PTPN9: variants seen among roughly 807,000 people sequenced by gnomAD.
The protein encoded by PTPN9 is protein tyrosine phosphatase non-receptor type 9.
A neutral mutation model predicts 69.8 loss-of-function variants in PTPN9; 26 were observed. The observed-to-expected ratio is 0.37, with a 90% CI of 0.27 to 0.52. PTPN9 has a LOEUF of 0.52. PTPN9 is among the 20% of genes least tolerant of loss of function. PTPN9 has a pLI of 0.91. For missense variants in PTPN9, 549 were observed against 740.3 expected, an observed-to-expected ratio of 0.74 and a Z score of 3.00; for synonymous variants, 274 against 272.5, an observed-to-expected ratio of 1.01 and a Z score of -0.05.
At chr15:75,490,527 A>G (rs1236396750) in intron 7 of PTPN9, among the ~76,000 whole-genome samples, 1 of 152,208 alleles carries the variant, frequency 6.6e-6, no homozygotes, top group Non-Finnish European at 1.5e-5. Flanking sequence ...GAGGGAGACC[A>G]GGCATGGTGG....
intron 1 of PTPN9, among the ~76,000 whole-genome samples, chr15:75,554,025 AT>A (rs896949006): frequency 8.4e-5 from 5 of 59,760 alleles, no homozygotes; most frequent in African/African-American, 2.6e-4. Context: ...TTTTTTTTTG[AT>A]TTTTTTTAAG....
intron 1 of PTPN9, among the ~76,000 whole-genome samples, chr15:75,560,275 T>A (rs1431343135): frequency 6.6e-6 from 1 of 152,220 alleles, no homozygotes; most frequent in African/African-American, 2.4e-5. Context: ...GAAATTAATC[T>A]AGAAAGGTTA....
chr15:75,511,434 A>G (rs539035492), intron 5 of PTPN9, among the ~76,000 whole-genome samples: 1 of 151,864 alleles, frequency 6.6e-6, no homozygotes, highest in South Asian at 2.1e-4. Flanking sequence ...TAAAAATACA[A>G]ATGGTTTCAT....
intron 1 of PTPN9, among the ~76,000 whole-genome samples, chr15:75,530,874 T>C (rs1483607588): frequency 8.8e-6 from 1 of 114,096 alleles, no homozygotes; most frequent in Admixed American, 1.4e-4. Context: ...TATATTACGA[T>C]ATATTATATA....
At chr15:75,474,678 T>A (rs1228978644) in intron 9 of PTPN9, among the ~76,000 whole-genome samples, 1 of 152,242 alleles carries the variant, frequency 6.6e-6, no homozygotes, top group African/African-American at 2.4e-5. Flanking sequence ...AGAGATTTTT[T>A]ACCTTTGAAA....
At chr15:75,560,293 A>G (rs2075098905) in intron 1 of PTPN9, among the ~76,000 whole-genome samples, 1 of 152,190 alleles carries the variant, frequency 6.6e-6, no homozygotes, top group African/African-American at 2.4e-5. Context: ...TTATTTTTGA[A>G]AACAAAAGTA....
rs75296706 is a variant in PTPN9 at position 75,521,289 on chromosome 15, CAA to C, written c.422+1830_422+1831del. Among the ~76,000 whole-genome samples the C allele has an allele frequency of 4.3e-3, 393 of 91,338 alleles. 6 individuals carry two copies. In the East Asian group the frequency reaches 0.066, roughly 15 times the overall value. The allele number at this position is 91,338 out of a possible 152,430, so 59.9% of individuals were successfully genotyped here. On this transcript the variant is annotated intron_variant, in intron 4 of 12. Transcript: ENST00000618819. ...TGAAACCCCATCTCTACTAAAAATACAAAAAAAAAAAAAAAAAACGGGCGTGG... is the reference window on the plus strand; with the variant it reads ...TGAAACCCCATCTCTACTAAAAATACAAAAAAAAAAAAAAAACGGGCGTGG...
intron 7 of PTPN9, among the ~76,000 whole-genome samples, chr15:75,496,949 A>C (rs2074746127): frequency 6.6e-6 from 1 of 152,128 alleles, no homozygotes. Context: ...CTTCTTTAGA[A>C]CTGTTTGGTT....
intron 1 of PTPN9, among the ~76,000 whole-genome samples, chr15:75,569,883 G>A (rs969508524): frequency 5.3e-5 from 8 of 151,640 alleles, no homozygotes; most frequent in African/African-American, 1.5e-4. Flanking sequence ...GGGCAGTGGC[G>A]CGATCTCAGC....
intron 1 of PTPN9, among the ~76,000 whole-genome samples, chr15:75,576,595 G>T (rs1169350861): frequency 1.3e-5 from 2 of 150,054 alleles, no homozygotes; most frequent in African/African-American, 4.9e-5. Context: ...AGATCATGAG[G>T]TCAGGAGTTC....
intron 1 of PTPN9, among the ~76,000 whole-genome samples, chr15:75,548,765 T>C (rs1465541346): frequency 1.3e-5 from 2 of 149,624 alleles, no homozygotes; most frequent in African/African-American, 5.0e-5. Flanking sequence ...GCCATTCTCC[T>C]GCCTCAGCCT....
In PTPN9 at chr15:75,479,873, C is replaced by T. The variant is rs758355506; in HGVS notation, c.1104G>A (p.Gln368=). The change falls in exon 9 of 13, where the codon CAG becomes CAA. Residue 368 remains glutamine (Q), a synonymous_variant. Coordinates refer to ENST00000618819, the MANE Select transcript of PTPN9 (RefSeq NM_002833.4). The stretch of plus-strand genomic sequence containing the variant: ...CTTGTGTGCCAATGTAAGCATTCTT[C>T]TGCTTGTAGCCATCCATGAAACTGG... ...INASFMDGYK[Q]KNAYIGTQGP... 1.2e-6 allele frequency: 2 copies of T among 1,611,308 alleles called. No homozygotes were observed. The highest frequency in any genetic ancestry group is 4.5e-5 in the East Asian group (2 of 44,832).
At chr15:75,537,915 T>A (rs1351075342) in intron 1 of PTPN9, among the ~76,000 whole-genome samples, 1 of 151,274 alleles carries the variant, frequency 6.6e-6, no homozygotes, top group Non-Finnish European at 1.5e-5. Context: ...AAAAATTAGC[T>A]GTGTGTGGTG....
chr15:75,514,355 G>C (rs2074859254), intron 5 of PTPN9, among the ~76,000 whole-genome samples: 1 of 152,140 alleles, frequency 6.6e-6, no homozygotes, highest in South Asian at 2.1e-4. Flanking sequence ...AAGGTGGCTG[G>C]ATTGCTTGAG....
chr15:75,485,301 T>C (rs898358587), intron 8 of PTPN9, among the ~76,000 whole-genome samples: 3 of 151,470 alleles, frequency 2.0e-5, no homozygotes, highest in Admixed American at 6.6e-5. Context: ...CAGTCAGCAT[T>C]AGTAAGAACA....
chr15:75,526,192 A>G (rs931511384), intron 2 of PTPN9, among the ~76,000 whole-genome samples: 1 of 151,880 alleles, frequency 6.6e-6, no homozygotes, highest in Non-Finnish European at 1.5e-5. Flanking sequence ...CGGTTTTGCC[A>G]TTTTGTTCAG....
At chr15:75,476,408 G>T in intron 9 of PTPN9, among the ~76,000 whole-genome samples, 1 of 152,026 alleles carries the variant, frequency 6.6e-6, no homozygotes, top group East Asian at 1.9e-4. Context: ...TCTGCCTGCC[G>T]CGTTCAAGCG....
intron 8 of PTPN9, among the ~76,000 whole-genome samples, chr15:75,485,931 T>C (rs1223048057): frequency 1.3e-5 from 2 of 150,636 alleles, no homozygotes; most frequent in East Asian, 4.0e-4. Context: ...AAACCCCATC[T>C]CTACTAAAAA....
chr15:75,496,660 C>A (rs2074744121), intron 7 of PTPN9, among the ~76,000 whole-genome samples: 2 of 151,982 alleles, frequency 1.3e-5, no homozygotes, highest in Admixed American at 6.6e-5. Context: ...CCACACCAAG[C>A]TAATTTTTGT....
Sources: gnomAD v4.1 joint callset for allele counts (sites outside exome capture counted in the v4.1 genomes callset) on GRCh38, gnomAD v4.1.1 for gene constraint, MANE v1.5 for transcripts, NCBI Gene and HGNC (gene_info 2026-07-23, HGNC 2026-07-21) for gene names.